The following AOPEP variants were observed in gnomAD, a reference collection of about 807,000 sequenced individuals.
AOPEP encodes aminopeptidase O.
In AOPEP, 77 loss-of-function variants were observed where a neutral mutation model predicts 98.1. That is an observed-to-expected ratio of 0.78 (90% CI 0.65 to 0.95). The LOEUF (loss-of-function observed/expected upper bound fraction) is 0.95. Ranked by LOEUF, AOPEP falls within the 40% of genes least tolerant of loss-of-function variation. The pLI, the probability that AOPEP is intolerant of heterozygous loss-of-function variation, is 0.00. For missense variants in AOPEP, 1,024 were observed against 1,024.7 expected (o/e 1.00, Z 0.01); for synonymous variants, 346 against 365.3 (o/e 0.95, Z 0.60).
chr9:94,837,210 A>G (rs988720560), intron 5 of AOPEP, among the ~76,000 whole-genome samples: 3 of 152,228 alleles, frequency 2.0e-5, no homozygotes, highest in African/African-American at 7.2e-5. Context: ...AATCAGGAAG[A>G]ATTAGAAACT....
the AOPEP span, among the ~76,000 whole-genome samples, chr9:95,103,771 G>A: frequency 1.7e-4 from 26 of 152,372 alleles, no homozygotes; most frequent in East Asian, 7.7e-4. Context: ...AGCCCACTGC[G>A]CAGAGCTCAC....
chr9:94,846,951 C>T (rs79819882), intron 5 of AOPEP, among the ~76,000 whole-genome samples: 2 of 150,282 alleles, frequency 1.3e-5, no homozygotes, highest in African/African-American at 2.4e-5. Context: ...GAGAATGGAG[C>T]GGATAGTGGA....
intron 13 of AOPEP, among the ~76,000 whole-genome samples, chr9:95,051,216 AGTAGCTGGGACTACAGGTG>A (rs2066330575): frequency 6.7e-6 from 1 of 149,874 alleles, no homozygotes; most frequent in Non-Finnish European, 1.5e-5. Flanking sequence ...CAGCCTCCCG[AGTAGCTGGGACTACAGGTG>A]CGCGCCACCA....
Position 94,792,884 on chromosome 9 carries a change from G to T in AOPEP, c.1084G>T (p.Glu362Ter). Residue 362 changes from glutamate (E) to a stop codon, truncating the protein, a stop_gained, in exon 4 of 17, where the codon GAG (glutamate) becomes TAG (stop). Transcript: ENST00000375315. LOFTEE classifies it high-confidence loss of function. ...ETWSSNDLAT[E>*]RPFSPSEANF... Reference sequence around the variant, plus strand: ...ATGGTCATCAAATGATTTGGCAACAGAGAGACCCTTCTCACCTTCTGAGGC... The same window carrying T: ...ATGGTCATCAAATGATTTGGCAACATAGAGACCCTTCTCACCTTCTGAGGC... 6.2e-7 allele frequency: 1 copy of T among 1,612,776 alleles called. No homozygotes were observed. Among genetic ancestry groups the T allele is most frequent in the Non-Finnish European group, 8.5e-7 (1 of 1,179,268 alleles).
At chr9:94,804,879 C>T (rs1848911015) in intron 5 of AOPEP, among the ~76,000 whole-genome samples, 2 of 152,122 alleles carry the variant, frequency 1.3e-5, no homozygotes, top group Admixed American at 1.3e-4. Flanking sequence ...GGAAAAGCTT[C>T]CTTAAAGGGT....
intron 5 of AOPEP, among the ~76,000 whole-genome samples, chr9:94,885,307 C>CA (rs2048084350): frequency 9.0e-6 from 1 of 111,016 alleles, no homozygotes; most frequent in Non-Finnish European, 1.6e-5. Flanking sequence ...CAAGATCATA[C>CA]AACTGCACTG....
At chr9:95,064,080 A>G (rs924236316) in intron 14 of AOPEP, among the ~76,000 whole-genome samples, 1 of 152,210 alleles carries the variant, frequency 6.6e-6, no homozygotes, top group African/African-American at 2.4e-5. Context: ...TAGAATTGCA[A>G]ACTAAACTAG....
At chr9:95,007,390 G>C (rs995074877) in intron 13 of AOPEP, among the ~76,000 whole-genome samples, 10 of 7,344 alleles carry the variant, frequency 1.4e-3, no homozygotes, top group Admixed American at 2.4e-3. Context: ...GGAGAAAGTG[G>C]GGGGGGGACT....
At chr9:94,936,882 A>G (rs1564411404) in intron 7 of AOPEP, among the ~76,000 whole-genome samples, 1 of 152,194 alleles carries the variant, frequency 6.6e-6, no homozygotes, top group Non-Finnish European at 1.5e-5. Context: ...CTCCTTTATT[A>G]TAAAGATATT....
In AOPEP at chr9:94,881,492, T is replaced by C. The variant is rs532655833; in HGVS notation, c.1365-42494T>C. 8.5e-5 allele frequency among the ~76,000 whole-genome samples: 13 copies of C among 152,346 alleles called. No homozygotes were observed. In the South Asian group the frequency reaches 2.3e-3, roughly 27 times the overall value. ...CCTTTGGTCTCAGCCCCTGTAACTGTTGTAATTGGTGAGACATAAGCTTGG... is the reference window on the plus strand; with the variant it reads ...CCTTTGGTCTCAGCCCCTGTAACTGCTGTAATTGGTGAGACATAAGCTTGG... On this transcript the variant is annotated intron_variant, in intron 5 of 16. Coordinates refer to ENST00000375315, the MANE Select transcript of AOPEP (RefSeq NM_001193329.3).
chr9:95,058,677 G>A (rs939236737), intron 13 of AOPEP, among the ~76,000 whole-genome samples: 38 of 152,196 alleles, frequency 2.5e-4, no homozygotes, highest in African/African-American at 8.9e-4. Flanking sequence ...ACCCCTCGTG[G>A]AGCTGCTGTT....
intron 5 of AOPEP, among the ~76,000 whole-genome samples, chr9:94,871,967 C>T (rs1165974354): frequency 6.6e-6 from 1 of 152,094 alleles, no homozygotes; most frequent in Non-Finnish European, 1.5e-5. Flanking sequence ...CTGATTGTGC[C>T]ACTGCACTCC....
intron 13 of AOPEP, among the ~76,000 whole-genome samples, chr9:95,021,303 C>T (rs2063436179): frequency 1.3e-5 from 2 of 152,076 alleles, no homozygotes; most frequent in Non-Finnish European, 2.9e-5. Flanking sequence ...ACACAACTGG[C>T]AGATACTGAA....
At chr9:94,993,490 A>G (rs536837521) in intron 11 of AOPEP, among the ~76,000 whole-genome samples, 3 of 152,242 alleles carry the variant, frequency 2.0e-5, no homozygotes, top group East Asian at 3.8e-4. Flanking sequence ...TGATCGCTGC[A>G]TATTTTATAG....
At chr9:94,836,912 C>G (rs965138885) in intron 5 of AOPEP, among the ~76,000 whole-genome samples, 2 of 151,650 alleles carry the variant, frequency 1.3e-5, no homozygotes, top group African/African-American at 4.8e-5. Flanking sequence ...TTTTTTTTGC[C>G]TATGCTTGTC....
chr9:94,730,283 C>CA (rs58829632), intron 1 of AOPEP, among the ~76,000 whole-genome samples: 1,940 of 59,796 alleles, frequency 0.032, 37 homozygotes, highest in South Asian at 0.074. Flanking sequence ...GACTCCATCT[C>CA]AAAAAAAAAA....
chr9:94,817,207 G>A (rs895247635), intron 5 of AOPEP, among the ~76,000 whole-genome samples: 2 of 152,022 alleles, frequency 1.3e-5, no homozygotes, highest in Admixed American at 6.6e-5. Context: ...GTTTCGCCAC[G>A]TTGTCCAGGC....
At chr9:95,065,445 A>G (rs1288812613) in intron 14 of AOPEP, 1 of 152,208 alleles carries the variant, frequency 6.6e-6, no homozygotes, top group Non-Finnish European at 1.5e-5. Context: ...CATCTTGGTG[A>G]TGTCCAGGGG....
At chr9:94,957,276 C>T (rs1255450590) in intron 9 of AOPEP, among the ~76,000 whole-genome samples, 3 of 152,128 alleles carry the variant, frequency 2.0e-5, no homozygotes, top group African/African-American at 4.8e-5. Context: ...GGTGCGATCG[C>T]GGCTCACTGC....
Sources: allele counts gnomAD v4.1 joint callset (sites outside exome capture counted in the v4.1 genomes callset), GRCh38; gene constraint gnomAD v4.1.1; transcripts MANE v1.5; gene names NCBI Gene and HGNC (gene_info 2026-07-23, HGNC 2026-07-21).